Variants in ZNF385D observed in about 807,000 individuals in gnomAD.
ZNF385D encodes zinc finger protein 659.
In ZNF385D, 15 loss-of-function variants were observed where a neutral mutation model predicts 35.8. The observed-to-expected ratio is 0.42, with a 90% CI of 0.28 to 0.64. The LOEUF is 0.64. Ranked by LOEUF, ZNF385D falls within the 30% of genes least tolerant of loss-of-function variation. The pLI is 0.23. For missense variants in ZNF385D, 474 were observed against 494.6 expected (o/e 0.96, Z 0.39); for synonymous variants, 212 against 186.8 (o/e 1.13, Z -1.10).
intron 1 of ZNF385D, among the ~76,000 whole-genome samples, chr3:21,737,114 A>G (rs1011656416): frequency 1.9e-4 from 29 of 151,976 alleles, no homozygotes; most frequent in African/African-American, 7.0e-4. Context: ...TAATTTTTGT[A>G]TTTTTAGTAG....
intron 3 of ZNF385D, among the ~76,000 whole-genome samples, chr3:21,904,991 A>G (rs1311374325): frequency 6.6e-6 from 1 of 152,080 alleles, no homozygotes; most frequent in African/African-American, 2.4e-5. Flanking sequence ...TGAAAAATAA[A>G]CTACGATTCA....
chr3:22,034,159 G>C (rs1305709160), intron 3 of ZNF385D, among the ~76,000 whole-genome samples: 2 of 152,160 alleles, frequency 1.3e-5, no homozygotes, highest in African/African-American at 4.8e-5. Flanking sequence ...TCCCCAATGT[G>C]ATTGCATTAT....
At chr3:21,787,877 G>A (rs1162891202) in intron 3 of ZNF385D, among the ~76,000 whole-genome samples, 2 of 148,710 alleles carry the variant, frequency 1.3e-5, no homozygotes, top group Admixed American at 6.8e-5. Context: ...GGGAGGCGGA[G>A]CTTGCAGAGA....
At chr3:21,909,260 T>A (rs926475197) in intron 3 of ZNF385D, among the ~76,000 whole-genome samples, 1 of 152,130 alleles carries the variant, frequency 6.6e-6, no homozygotes, top group Non-Finnish European at 1.5e-5. Flanking sequence ...GACAGAACTC[T>A]GTCACTGCAC....
chr3:21,708,602 A>C (rs982105134), intron 1 of ZNF385D, among the ~76,000 whole-genome samples: 2 of 152,194 alleles, frequency 1.3e-5, no homozygotes, highest in African/African-American at 4.8e-5. Context: ...TAAATTTTAA[A>C]AGATGCTTTC....
rs1019449915 is a variant in ZNF385D, at chr3:21,957,865, T to C, written c.325+210952A>G. ...TCTCCAACCTTCACCACCATTCATC[T>C]ACTAGTAAATACAATGTCTCAGGAG... On this transcript the variant is annotated intron_variant, in intron 3 of 5. Coordinates refer to the ZNF385D transcript ENST00000494108. Among the ~76,000 whole-genome samples, 4 of 152,174 alleles carry C rather than the reference T, an allele frequency of 2.6e-5. No individual in the cohort carries two copies. The East Asian group carries it at 5.8e-4, about 22-fold the overall frequency.
intron 3 of ZNF385D, among the ~76,000 whole-genome samples, chr3:21,893,715 G>A (rs1185921128): frequency 6.6e-6 from 1 of 152,102 alleles, no homozygotes; most frequent in Non-Finnish European, 1.5e-5. Context: ...TTGGCAACAA[G>A]GAGAATTTCC....
intron 3 of ZNF385D, among the ~76,000 whole-genome samples, chr3:21,997,396 G>C (rs1695535341): frequency 6.6e-6 from 1 of 152,082 alleles, no homozygotes; most frequent in African/African-American, 2.4e-5. Context: ...TATACCTAAT[G>C]TAAATGACGA....
chr3:21,437,824 A>T (rs1559447399), intron 4 of ZNF385D, among the ~76,000 whole-genome samples: 1 of 152,080 alleles, frequency 6.6e-6, no homozygotes, highest in Non-Finnish European at 1.5e-5. Flanking sequence ...AAAATCATCA[A>T]TATTAAAAGA....
intron 3 of ZNF385D, among the ~76,000 whole-genome samples, chr3:22,001,003 G>C (rs1373327001): frequency 6.6e-6 from 1 of 151,330 alleles, no homozygotes; most frequent in East Asian, 1.9e-4. Context: ...AAACTAGTAA[G>C]ATTAAGGAAT....
chr3:21,999,324 A>G (rs748972537), intron 3 of ZNF385D, among the ~76,000 whole-genome samples: 10 of 152,052 alleles, frequency 6.6e-5, no homozygotes, highest in Non-Finnish European at 1.3e-4. Flanking sequence ...AGACAAAACA[A>G]AAATTTTTTT....
At chr3:22,025,778 C>A (rs1160120744) in intron 3 of ZNF385D, among the ~76,000 whole-genome samples, 1 of 152,120 alleles carries the variant, frequency 6.6e-6, no homozygotes, top group Non-Finnish European at 1.5e-5. Context: ...TTCATCCCAG[C>A]TGGGAGGGTC....
chr3:22,075,698 C>T (rs1039074706), intron 3 of ZNF385D, among the ~76,000 whole-genome samples: 6 of 151,854 alleles, frequency 4.0e-5, no homozygotes, highest in African/African-American at 1.4e-4. Context: ...AGTTTTGATA[C>T]ATTCTCTTGG....
chr3:22,181,278 C>T (rs755064882), intron 2 of ZNF385D, among the ~76,000 whole-genome samples: 6 of 152,030 alleles, frequency 3.9e-5, no homozygotes, highest in South Asian at 2.1e-4. Context: ...TGAAAATTTA[C>T]GCATCCTAAC....
intron 3 of ZNF385D, among the ~76,000 whole-genome samples, chr3:21,897,801 T>G (rs1194114187): frequency 2.0e-5 from 3 of 152,126 alleles, no homozygotes; most frequent in Non-Finnish European, 4.4e-5. Flanking sequence ...ATAGATGCAT[T>G]CATGTGATCA....
intron 2 of ZNF385D, among the ~76,000 whole-genome samples, chr3:21,586,584 G>C (rs1002952144): frequency 6.6e-6 from 1 of 152,138 alleles, no homozygotes; most frequent in Non-Finnish European, 1.5e-5. Context: ...AAATTGAGGA[G>C]GTTGGGCAGT....
chr3:21,995,794 G>T (rs985643754), intron 3 of ZNF385D, among the ~76,000 whole-genome samples: 1 of 151,964 alleles, frequency 6.6e-6, no homozygotes, highest in African/African-American at 2.4e-5. Flanking sequence ...AGCCCCTACT[G>T]CTAGTTGGTA....
chr3:21,965,176 T>G (rs1229261756), intron 3 of ZNF385D, among the ~76,000 whole-genome samples: 1 of 152,210 alleles, frequency 6.6e-6, no homozygotes, highest in Non-Finnish European at 1.5e-5. Flanking sequence ...CTTATGTAAC[T>G]TTGGTGATTA....
chr3:21,549,871 G>A (rs558944707), intron 3 of ZNF385D, among the ~76,000 whole-genome samples: 1 of 152,278 alleles, frequency 6.6e-6, no homozygotes, highest in African/African-American at 2.4e-5. Flanking sequence ...GATCCTTTGG[G>A]ATGCAGCGGC....
Sources: gnomAD v4.1 joint callset for allele counts (sites outside exome capture counted in the v4.1 genomes callset) on GRCh38, gnomAD v4.1.1 for gene constraint, MANE v1.5 for transcripts, NCBI Gene and HGNC (gene_info 2026-07-23, HGNC 2026-07-21) for gene names.